APOBEC3A: variants seen among roughly 807,000 people sequenced by gnomAD.
The protein encoded by APOBEC3A is DNA dC->dU-editing enzyme APOBEC-3A.
A neutral mutation model predicts 23.0 loss-of-function variants in APOBEC3A; 13 were observed. The observed-to-expected ratio is 0.57, with a 90% confidence interval of 0.37 to 0.90. The LOEUF (loss-of-function observed/expected upper bound fraction) is 0.90, where lower values mean the gene tolerates loss of function less well. Ranked by LOEUF, APOBEC3A falls within the 40% of genes least tolerant of loss-of-function variation. The pLI is 0.01. For missense variants in APOBEC3A, 179 were observed against 264.9 expected (o/e 0.68, Z 2.25); for synonymous variants, 74 against 101.3 (o/e 0.73, Z 1.62).
chr22:38,960,130 G>A (rs564003915), intron 2 of APOBEC3A, among the ~76,000 whole-genome samples: 70 of 152,354 alleles, frequency 4.6e-4, no homozygotes, highest in African/African-American at 1.6e-3. Flanking sequence ...CAGGTCCCAT[G>A]TCAGGATGCA....
Position 38,962,565 on chromosome 22 carries a change from A to C in APOBEC3A, c.*56A>C. On this transcript the variant is annotated 3_prime_UTR_variant, in exon 5 of 5. Coordinates refer to ENST00000249116, the MANE Select transcript of APOBEC3A (RefSeq NM_145699.4). ...AGACCTGGGTTGAGCAGCAGAATAA[A>C]AGATCTTCTTCCAAGAAATGCAAAC... 6.5e-7 allele frequency: 1 copy of C among 1,532,066 alleles called. No homozygotes were observed. Among genetic ancestry groups the C allele is most frequent in the Non-Finnish European group, 8.8e-7 (1 of 1,140,742 alleles). The allele number at this position is 1,532,066 out of a possible 1,614,324, so 94.9% of individuals were successfully genotyped here.
Position 38,962,752 on chromosome 22 carries a change from A to T in APOBEC3A, c.*243A>T. The stretch of plus-strand genomic sequence containing the variant: ...GGCGGGTGGATCACGAGGTCAGGAG[A>T]TCGAGACCATCCTGGCTAACACGGT... On this transcript the variant is annotated 3_prime_UTR_variant, in exon 5 of 5. Transcript: ENST00000249116. The T allele has an allele frequency of 2.1e-6, 2 of 963,574 alleles. No individual in the cohort carries two copies. Among genetic ancestry groups the T allele is most frequent in the Non-Finnish European group, 2.9e-6 (2 of 680,072 alleles). The allele number at this position is 963,574 out of a possible 1,614,324, so 59.7% of individuals were successfully genotyped here. A position where few individuals can be genotyped will look rare whatever the true frequency, so the allele number is the denominator to read the frequency against.
intron 1 of APOBEC3A, among the ~76,000 whole-genome samples, chr22:38,958,298 C>T (rs1184801115): frequency 6.7e-6 from 1 of 150,140 alleles, no homozygotes; most frequent in Non-Finnish European, 1.5e-5. Context: ...TTCCTCCTTC[C>T]TTCCTTCCTT....
chr22:38,959,350 C>G (rs1223791470), intron 1 of APOBEC3A, among the ~76,000 whole-genome samples, 192 bp from the exon 2 acceptor site: 1 of 152,048 alleles, frequency 6.6e-6, no homozygotes, highest in Admixed American at 6.6e-5. Flanking sequence ...CTTAGACAGG[C>G]CCCAGGGCTG....
In APOBEC3A at chr22:38,961,804, T is replaced by C; in HGVS notation, c.469+123T>C. ...GATGGCTGGACTCTGGGACCTGACT[T>C]TGGGGTCGATGGGAAGAGAGAGGCC... is the stretch of plus-strand genomic sequence containing the variant. On this transcript the variant is annotated intron_variant, in intron 3 of 4. Transcript: ENST00000249116. The C allele has an allele frequency of 6.7e-6, 8 of 1,185,266 alleles. No individual in the cohort carries two copies. The South Asian group carries it at 1.2e-4, about 18-fold the overall frequency. The allele number at this position is 1,185,266 out of a possible 1,614,324, so 73.4% of individuals were successfully genotyped here.
In APOBEC3A at chr22:38,961,570, G is replaced by A. The variant is rs761316864; in HGVS notation, c.358G>A (p.Val120Met). 3 of 1,532,002 alleles carry A rather than the reference G, an allele frequency of 2.0e-6. No individual in the cohort carries two copies. The highest frequency in any genetic ancestry group is 1.1e-5 in the South Asian group (1 of 88,068). The allele number at this position is 1,532,002 out of a possible 1,614,324, so 94.9% of individuals were successfully genotyped here. A position where few individuals can be genotyped will look rare whatever the true frequency, so the allele number is the denominator to read the frequency against. ...TGCGTTCCTTCAGGAGAACACACAC[G>A]TGAGACTGCGTATCTTCGCTGCCCG... ...VRAFLQENTH[V>M]RLRIFAARIY... Residue 120 changes from valine to methionine, a missense_variant, in exon 3 of 5, where the codon GTG (valine) becomes ATG (methionine). By Grantham distance (21) the Val-to-Met change is conservative (BLOSUM62 1). Around this residue, in one of 5 missense-constraint regions of APOBEC3A, gnomAD observed 37 missense variants for 47.8 expected, o/e 0.77. Transcript: ENST00000249116.
rs574341761 is a variant in APOBEC3A at position 38,962,388 on chromosome 22, G to T, written c.586-107G>T. 4 of 1,552,666 alleles carry T rather than the reference G, an allele frequency of 2.6e-6. No homozygotes were observed. The South Asian group carries it at 4.7e-5, about 18-fold the overall frequency. ...AGCCTCCTTCTCTTTCCCACCTCCC[G>T]CATCCCTCCCTCCTCTCCCGTCATT... On this transcript the variant is annotated intron_variant, in intron 4 of 4. Transcript: ENST00000249116.
rs569544849 is a variant in APOBEC3A at position 38,958,276 on chromosome 22, TTCCTTCCTTCCTTCC to T, written c.29+573_29+587del. 3.4e-4 allele frequency among the ~76,000 whole-genome samples: 51 copies of T among 150,894 alleles called. No individual in the cohort carries two copies. The South Asian group carries it at 9.6e-3, about 28-fold the overall frequency. ...AACATTTTGAACCTTCCTTCCTTCT[TTCCTTCCTTCCTTCC>T]TCCTTCCTTCCTTCCTTCCTTCAAT... On this transcript the variant is annotated intron_variant, in intron 1 of 4. Transcript: ENST00000249116.
chr22:38,961,759 G>A, intron 3 of APOBEC3A, 78 bp downstream of exon 3: 1 of 1,093,462 alleles, frequency 9.1e-7, no homozygotes, highest in South Asian at 1.5e-5. Context: ...GAAAGGCCTT[G>A]GTCTGCTGCC....
intron 1 of APOBEC3A, among the ~76,000 whole-genome samples, chr22:38,958,291 C>CTCCT (rs534867653): frequency 1.5e-4 from 23 of 149,958 alleles, no homozygotes; most frequent in South Asian, 2.2e-4. Flanking sequence ...TCCTTCCTTC[C>CTCCT]TCCTTCCTTC....
At chr22:38,958,374 TTTC>T (rs1188550031) in intron 1 of APOBEC3A, among the ~76,000 whole-genome samples, 2 of 140,536 alleles carry the variant, frequency 1.4e-5, no homozygotes, top group African/African-American at 2.8e-5. Context: ...TTTATTTCTT[TTTC>T]TTCTTTCTCT....
At chr22:38,958,598 CCTCT>C (rs754150083) in intron 1 of APOBEC3A, among the ~76,000 whole-genome samples, 1 of 145,060 alleles carries the variant, frequency 6.9e-6, no homozygotes, top group African/African-American at 2.6e-5. Flanking sequence ...TTCCTTCCTT[CCTCT>C]CTTTCTCCCT....
In APOBEC3A at chr22:38,962,569, T is replaced by C; in HGVS notation, c.*60T>C. ...CTGGGTTGAGCAGCAGAATAAAAGATCTTCTTCCAAGAAATGCAAACAGAC... is the reference window on the plus strand; with the variant it reads ...CTGGGTTGAGCAGCAGAATAAAAGACCTTCTTCCAAGAAATGCAAACAGAC... On this transcript the variant is annotated 3_prime_UTR_variant, in exon 5 of 5. Coordinates refer to ENST00000249116, the MANE Select transcript of APOBEC3A (RefSeq NM_145699.4). The C allele has an allele frequency of 6.5e-7, 1 of 1,544,250 alleles. No homozygotes were observed. Among genetic ancestry groups the C allele is most frequent in the Non-Finnish European group, 8.7e-7 (1 of 1,146,356 alleles).
chr22:38,959,455 C>A (rs1308637619), intron 1 of APOBEC3A, 87 bp from the exon 2 acceptor site: 12 of 1,495,286 alleles, frequency 8.0e-6, no homozygotes, highest in Non-Finnish European at 1.1e-5. Context: ...GGGTGGGGTG[C>A]AAGGGAGGAA....
rs757405978 is a variant in APOBEC3A, at chr22:38,962,070, G to A, written c.470-28G>A. On this transcript the variant is annotated intron_variant, in intron 3 of 4. Transcript: ENST00000249116. ...GCCACCCCGATCCCACAGCGGGAGC[G>A]TGACTTATCTCCCCTGTCCCTTTTC... 56 of 1,594,114 alleles carry A rather than the reference G, an allele frequency of 3.5e-5. 1 individual carries two copies. The highest frequency in any genetic ancestry group is 5.4e-5 in the African/African-American group (4 of 74,404).
At chr22:38,962,364 G>T in intron 4 of APOBEC3A, 131 bp from the exon 5 acceptor site, 1 of 1,553,832 alleles carries the variant, frequency 6.4e-7, no homozygotes, top group Non-Finnish European at 8.7e-7. Context: ...CCTTCTCACA[G>T]CCTCCTTCTC....
chr22:38,958,692 TTTC>T (rs1404142938), intron 1 of APOBEC3A, among the ~76,000 whole-genome samples: 5 of 149,860 alleles, frequency 3.3e-5, no homozygotes, highest in Admixed American at 2.6e-4. Context: ...TCCTTTCTTT[TTTC>T]TTTCTTTCTT....
At chr22:38,958,383 T>A (rs1249396653) in intron 1 of APOBEC3A, among the ~76,000 whole-genome samples, 1 of 135,026 alleles carries the variant, frequency 7.4e-6, no homozygotes, top group Admixed American at 7.0e-5. Context: ...TTTTCTTCTT[T>A]CTCTCTCTTC....
chr22:38,959,664 A>C lies in APOBEC3A; in HGVS notation c.152A>C (p.His51Pro), dbSNP rs1401901853. The C allele has an allele frequency of 6.2e-7, 1 of 1,613,820 alleles. No individual in the cohort carries two copies. The highest frequency in any genetic ancestry group is 8.5e-7 in the Non-Finnish European group (1 of 1,179,928). ...GGCACCTCGGTCAAGATGGACCAGC[A>C]CAGGGGCTTTCTACACAACCAGGTG... ...DNGTSVKMDQHRGFLHNQAKN... is the reference protein window; with the variant it reads ...DNGTSVKMDQPRGFLHNQAKN... The change falls in exon 2 of 5, where the codon CAC becomes CCC. Residue 51 changes from histidine to proline, a missense_variant. By Grantham distance (77) the His-to-Pro change is moderately conservative. This residue lies in a region of APOBEC3A where 87 missense variants were observed against 74.5 expected (regional missense o/e 1.17). Transcript: ENST00000249116.
Sources: allele counts gnomAD v4.1 joint callset (sites outside exome capture counted in the v4.1 genomes callset), GRCh38; gene constraint gnomAD v4.1.1; regional missense constraint gnomAD v4.1.1; transcripts MANE v1.5; gene names NCBI Gene and HGNC (gene_info 2026-07-23, HGNC 2026-07-21).